USP32: variants seen among roughly 807,000 people sequenced by gnomAD.
USP32 encodes the protein ubiquitin carboxyl-terminal hydrolase 32.
USP32 carries 59 observed loss-of-function variants against 204.8 expected under a neutral mutation model. The ratio of observed to expected loss-of-function variants is 0.29; its 90% CI spans 0.23 to 0.36. The LOEUF (loss-of-function observed/expected upper bound fraction) is 0.36. USP32 is among the 10% of genes least tolerant of loss of function. The pLI is 1.00. For missense variants in USP32, 1,160 were observed against 1,946.4 expected, an observed-to-expected ratio of 0.60 and a Z score of 7.60; for synonymous variants, 517 against 678.4, an observed-to-expected ratio of 0.76 and a Z score of 3.70.
chr17:60,309,317 C>T (rs2087800056), intron 2 of USP32, among the ~76,000 whole-genome samples: 2 of 152,074 alleles, frequency 1.3e-5, no homozygotes, highest in African/African-American at 4.8e-5. Context: ...AACAAACCCA[C>T]AAAAAATTAC....
intron 15 of USP32, among the ~76,000 whole-genome samples, chr17:60,220,166 A>T (rs1425419846): frequency 2.6e-5 from 4 of 152,078 alleles, no homozygotes; most frequent in Admixed American, 6.5e-5. Context: ...AATTCATAAA[A>T]ATTGAGTTAC....
Position 60,417,394 on chromosome 17 carries a change from C to T in USP32, c.106+4852G>A, listed in dbSNP as rs76017037. Among the ~76,000 whole-genome samples the T allele has an allele frequency of 2.0e-5, 3 of 152,100 alleles. No homozygotes were observed. In the East Asian group the frequency reaches 5.8e-4, roughly 29 times the overall value. On this transcript the variant is annotated intron_variant, in intron 1 of 3. Transcript: ENST00000588898. ...CTCCTAGGCTCAAAAGATCCTCTTGCCTTGGCCTCCCAAAGTGCTGAGAAT... is the reference window on the plus strand; with the variant it reads ...CTCCTAGGCTCAAAAGATCCTCTTGTCTTGGCCTCCCAAAGTGCTGAGAAT...
chr17:60,371,475 A>T (rs1053996992), intron 1 of USP32, among the ~76,000 whole-genome samples: 2 of 151,968 alleles, frequency 1.3e-5, no homozygotes, highest in Non-Finnish European at 2.9e-5. Flanking sequence ...AAGCTGAGGC[A>T]GGAGAATCGC....
intron 1 of USP32, among the ~76,000 whole-genome samples, chr17:60,356,763 C>A (rs909747890): frequency 6.6e-6 from 1 of 151,960 alleles, no homozygotes; most frequent in Non-Finnish European, 1.5e-5. Flanking sequence ...AATTGCAAAG[C>A]ATTTAAGTAA....
chr17:60,215,339 G>A (rs1052285127), intron 16 of USP32, among the ~76,000 whole-genome samples: 3 of 152,012 alleles, frequency 2.0e-5, no homozygotes, highest in African/African-American at 4.8e-5. Flanking sequence ...CAAGGCCCAA[G>A]GTCCAAATTA....
chr17:60,216,401 A>G (rs2145539607), intron 16 of USP32, among the ~76,000 whole-genome samples: 1 of 152,028 alleles, frequency 6.6e-6, no homozygotes, highest in East Asian at 1.9e-4. Flanking sequence ...TTATTGAGCA[A>G]CCCAACTTAA....
At chr17:60,421,726 A>G (rs1359225512) in intron 1 of USP32, 16 of 796,336 alleles carry the variant, frequency 2.0e-5, no homozygotes, top group Non-Finnish European at 2.4e-5. Context: ...GCCAACTCAG[A>G]CTACACCCGG....
chr17:60,198,570 T>TCTC, intron 26 of USP32, 126 bp from the exon 27 acceptor site: 2 of 1,184,268 alleles, frequency 1.7e-6, no homozygotes, highest in Non-Finnish European at 2.4e-6. Context: ...ATCACATTCT[T>TCTC]CTCTGTATTT....
chr17:60,263,235 A>G (rs575905922), intron 9 of USP32, among the ~76,000 whole-genome samples: 1 of 152,282 alleles, frequency 6.6e-6, no homozygotes, highest in African/African-American at 2.4e-5. Flanking sequence ...GATGAGAACT[A>G]CCATGCCCAG....
intron 1 of USP32, among the ~76,000 whole-genome samples, chr17:60,352,190 A>G (rs1018738768): frequency 1.3e-5 from 2 of 152,212 alleles, no homozygotes; most frequent in East Asian, 3.8e-4. Flanking sequence ...GAAATGGCCA[A>G]TGAAATGCAG....
chr17:60,185,862 A>G, intron 29 of USP32: 1 of 491,098 alleles, frequency 2.0e-6, no homozygotes, highest in Non-Finnish European at 3.5e-6. Flanking sequence ...AGGAGTTCGA[A>G]ACCAGCCTGG....
intron 8 of USP32, among the ~76,000 whole-genome samples, 155 bp from the exon 9 acceptor site, chr17:60,265,629 C>T (rs2086572056): frequency 6.6e-6 from 1 of 152,190 alleles, no homozygotes; most frequent in Admixed American, 6.5e-5. Context: ...AACTCCTGGG[C>T]TAAAGTGATC....
At position 60,391,836 on chromosome 17, in the gene USP32, C is replaced by T. The variant is rs978726545; in HGVS notation, c.58+46G>A. 3 of 1,588,644 alleles carry T rather than the reference C, an allele frequency of 1.9e-6. No homozygotes were observed. In the African/African-American group the frequency reaches 4.0e-5, roughly 21 times the overall value. ...CCGGTTACCCACCCTCCAGGCTGCC[C>T]GTCGCGGGCCTCCCAGGCAGCTCGC... On this transcript the variant is annotated intron_variant, in intron 1 of 33. Coordinates refer to ENST00000300896, the MANE Select transcript of USP32 (RefSeq NM_032582.4).
At chr17:60,392,637 G>C (rs1160862362), upstream of USP32, 3 of 451,454 alleles carry the variant, frequency 6.6e-6, no homozygotes, top group Admixed American at 7.2e-5. Context: ...AGAAGAGAAA[G>C]GAGTGGGTAG....
At chr17:60,414,617 C>T (rs1458905555) in intron 1 of USP32, among the ~76,000 whole-genome samples, 1 of 151,046 alleles carries the variant, frequency 6.6e-6, no homozygotes, top group Non-Finnish European at 1.5e-5. Flanking sequence ...TTAGTAGAGA[C>T]GGGGTTTTGC....
intron 5 of USP32, among the ~76,000 whole-genome samples, chr17:60,277,514 A>G (rs1024862357): frequency 2.0e-5 from 3 of 152,244 alleles, no homozygotes; most frequent in African/African-American, 7.2e-5. Context: ...AAGAATCACC[A>G]AAGTCCTTTA....
intron 26 of USP32, among the ~76,000 whole-genome samples, chr17:60,200,357 T>C (rs947996015): frequency 6.6e-6 from 1 of 151,594 alleles, no homozygotes; most frequent in Non-Finnish European, 1.5e-5. Context: ...AGGTCGGGAG[T>C]TCGAGACAGC....
At chr17:60,273,647 A>G (rs1040189938) in intron 5 of USP32, among the ~76,000 whole-genome samples, 1 of 152,150 alleles carries the variant, frequency 6.6e-6, no homozygotes, top group African/African-American at 2.4e-5. Flanking sequence ...AATGTGACCC[A>G]AAATCAGGAT....
Position 60,271,437 on chromosome 17 carries a change from A to C in USP32, c.616T>G (p.Leu206Val). ...IIDLEKRYWL[L>V]KAQSRTGRFD... The stretch of plus-strand genomic sequence containing the variant: ...CGTCCAGTCCGGGATTGAGCCTTCA[A>C]TAACCAATAGCGTTTCTCAAGATCA... Residue 206 changes from leucine to valine, a missense_variant, in exon 6 of 34, where the codon TTG (leucine) becomes GTG (valine). Around this residue, in one of 8 missense-constraint regions of USP32, gnomAD observed 536 missense variants for 680.9 expected, o/e 0.79. Coordinates refer to ENST00000300896, the MANE Select transcript of USP32 (RefSeq NM_032582.4). 1.2e-6 allele frequency: 2 copies of C among 1,614,170 alleles called. No homozygotes were observed. Among genetic ancestry groups the C allele is most frequent in the Non-Finnish European group, 1.7e-6 (2 of 1,180,010 alleles).
Sources: gnomAD v4.1 joint callset for allele counts (sites outside exome capture counted in the v4.1 genomes callset) on GRCh38, gnomAD v4.1.1 for gene constraint, gnomAD v4.1.1 regional missense constraint, MANE v1.5 for transcripts, NCBI Gene and HGNC (gene_info 2026-07-23, HGNC 2026-07-21) for gene names.